The following PPP1R13B variants were observed in gnomAD, a reference collection of about 807,000 sequenced individuals.
The protein encoded by PPP1R13B is apoptosis-stimulating of p53 protein 1.
PPP1R13B carries 44 observed loss-of-function variants against 119.8 expected under a neutral mutation model. That is an observed-to-expected ratio of 0.37 (90% CI 0.29 to 0.47). PPP1R13B has a LOEUF of 0.47. Ranked by LOEUF, PPP1R13B falls within the 20% of genes least tolerant of loss-of-function variation. The pLI, the probability that PPP1R13B is intolerant of heterozygous loss-of-function variation, is 0.99. For missense variants in PPP1R13B, 1,227 were observed against 1,413.5 expected (o/e 0.87, Z 2.12); for synonymous variants, 542 against 561.5 (o/e 0.97, Z 0.49).
intron 1 of PPP1R13B, among the ~76,000 whole-genome samples, chr14:103,831,936 A>T (rs2086672861): frequency 6.7e-6 from 1 of 149,608 alleles, no homozygotes; most frequent in Non-Finnish European, 1.5e-5. Flanking sequence ...AATCCATCAC[A>T]AAAAAAAACA....
intron 1 of PPP1R13B, among the ~76,000 whole-genome samples, chr14:103,827,622 T>C (rs1210268805): frequency 5.4e-5 from 8 of 148,846 alleles, no homozygotes; most frequent in Non-Finnish European, 1.0e-4. Flanking sequence ...TATATAATAC[T>C]ATAGATATAT....
At chr14:103,838,210 GCA>G (rs10640450) in intron 1 of PPP1R13B, among the ~76,000 whole-genome samples, 35,531 of 149,020 alleles carry the variant, frequency 0.24, 4,184 homozygotes, top group East Asian at 0.33. Context: ...CTCTGTTATG[GCA>G]CACACACACA....
At chr14:103,800,847 T>G (rs1752021315) in intron 1 of PPP1R13B, among the ~76,000 whole-genome samples, 1 of 151,862 alleles carries the variant, frequency 6.6e-6, no homozygotes. Context: ...ACCATTTCAT[T>G]TTTTTTCTTC....
intron 1 of PPP1R13B, among the ~76,000 whole-genome samples, chr14:103,829,907 T>G (rs1016607533): frequency 1.3e-5 from 2 of 151,982 alleles, no homozygotes; most frequent in Admixed American, 1.3e-4. Flanking sequence ...GCCTCCCAAG[T>G]AGCTGGGACT....
At chr14:103,846,553 G>A (rs1050796519) in intron 1 of PPP1R13B, among the ~76,000 whole-genome samples, 1 of 152,154 alleles carries the variant, frequency 6.6e-6, no homozygotes, top group African/African-American at 2.4e-5. Context: ...AAGTCATGAT[G>A]CTTACCTCCC....
At chr14:103,744,288 T>C (rs1267790092) in intron 9 of PPP1R13B, among the ~76,000 whole-genome samples, 13 of 152,240 alleles carry the variant, frequency 8.5e-5, no homozygotes, top group African/African-American at 1.2e-4. Context: ...TTTAGTATGA[T>C]TGTAAAACTA....
Position 103,839,582 on chromosome 14 carries a change from A to G in PPP1R13B, c.9+7717T>C, listed in dbSNP as rs536179494. ...GTGGAGGTTGTGGTGACCCAAGATCATGCCACTGCACTCCAACCTGGGCAA... is the reference window on the plus strand; with the variant it reads ...GTGGAGGTTGTGGTGACCCAAGATCGTGCCACTGCACTCCAACCTGGGCAA... On this transcript the variant is annotated intron_variant, in intron 1 of 16. Transcript: ENST00000202556. 7.7e-4 allele frequency among the ~76,000 whole-genome samples: 116 copies of G among 151,074 alleles called. 1 individual carries two copies. Among genetic ancestry groups the G allele is most frequent in the Non-Finnish European group, 1.3e-3 (89 of 67,796 alleles).
Position 103,734,999 on chromosome 14 carries a change from C to T in PPP1R13B, c.*155G>A. 2.3e-6 allele frequency: 2 copies of T among 865,442 alleles called. No individual in the cohort carries two copies. Among genetic ancestry groups the T allele is most frequent in the Non-Finnish European group, 3.8e-6 (2 of 525,756 alleles). 53.6% of individuals were successfully genotyped at this position (865,442 alleles called of 1,614,324 possible). On this transcript the variant is annotated 3_prime_UTR_variant, in exon 17 of 17. Coordinates refer to ENST00000202556, the MANE Select transcript of PPP1R13B (RefSeq NM_015316.3). ...TGGGCAAACTGGAGAAAGGGCCTCACCTGGAAACTGTAGGATTCACATTGT... is the reference window on the plus strand; with the variant it reads ...TGGGCAAACTGGAGAAAGGGCCTCATCTGGAAACTGTAGGATTCACATTGT...
chr14:103,839,331 TAAAAG>T (rs1352159049), intron 1 of PPP1R13B, among the ~76,000 whole-genome samples: 2 of 151,792 alleles, frequency 1.3e-5, no homozygotes, highest in African/African-American at 4.8e-5. Flanking sequence ...TCATTTCTGA[TAAAAG>T]AAATCTCTCG....
chr14:103,746,662 G>T, intron 8 of PPP1R13B, 109 bp from the exon 9 acceptor site: 2 of 980,090 alleles, frequency 2.0e-6, no homozygotes, highest in Non-Finnish European at 2.9e-6. Flanking sequence ...TCAGTGGTTG[G>T]TTTTTAGGAA....
At chr14:103,773,741 T>C (rs534197877) in intron 4 of PPP1R13B, among the ~76,000 whole-genome samples, 36 of 152,300 alleles carry the variant, frequency 2.4e-4, no homozygotes, top group African/African-American at 8.4e-4. Flanking sequence ...GAATAAAATG[T>C]AGGGACTGAA....
intron 3 of PPP1R13B, among the ~76,000 whole-genome samples, chr14:103,782,044 G>A (rs573767946): frequency 1.3e-5 from 2 of 152,096 alleles, no homozygotes; most frequent in East Asian, 3.9e-4. Flanking sequence ...ATATTCCCAT[G>A]GTTCAAAAAT....
intron 1 of PPP1R13B, among the ~76,000 whole-genome samples, chr14:103,827,011 CAAA>C (rs1284610424): frequency 8.2e-6 from 1 of 121,224 alleles, no homozygotes. Context: ...AACTCCATCT[CAAA>C]AAAAAAAAGG....
chr14:103,817,329 CA>C, intron 1 of PPP1R13B, among the ~76,000 whole-genome samples: 1 of 151,788 alleles, frequency 6.6e-6, no homozygotes, highest in Admixed American at 6.6e-5. Flanking sequence ...TAGCATTGTT[CA>C]ATAACAACTG....
rs769165281 is a variant in PPP1R13B at position 103,735,987 on chromosome 14, T to G, written c.3231+16A>C. 3 of 1,613,696 alleles carry G rather than the reference T, an allele frequency of 1.9e-6. No individual in the cohort carries two copies. Among genetic ancestry groups the G allele is most frequent in the East Asian group, 4.5e-5 (2 of 44,854 alleles). ...CACGGGCAGCTAGTTTCCCAGTAAGTAACCTGAGTGCTCACCCCCAGCAGG... is the reference window on the plus strand; with the variant it reads ...CACGGGCAGCTAGTTTCCCAGTAAGGAACCTGAGTGCTCACCCCCAGCAGG... On this transcript the variant is annotated intron_variant, in intron 16 of 16. Coordinates refer to ENST00000202556, the MANE Select transcript of PPP1R13B (RefSeq NM_015316.3).
intron 1 of PPP1R13B, among the ~76,000 whole-genome samples, chr14:103,822,703 C>T (rs1197439086): frequency 6.6e-6 from 1 of 152,006 alleles, no homozygotes; most frequent in Non-Finnish European, 1.5e-5. Flanking sequence ...ATCCCAGCTA[C>T]TGGGGAGGCT....
intron 1 of PPP1R13B, among the ~76,000 whole-genome samples, chr14:103,802,250 A>G (rs1392090488): frequency 1.3e-5 from 2 of 152,166 alleles, no homozygotes; most frequent in Admixed American, 6.6e-5. Context: ...CGGAGCTTGC[A>G]GTGAGCCAAG....
At chr14:103,803,168 T>C (rs1567136032) in intron 1 of PPP1R13B, among the ~76,000 whole-genome samples, 1 of 152,194 alleles carries the variant, frequency 6.6e-6, no homozygotes, top group Admixed American at 6.5e-5. Context: ...GCTTGTATTT[T>C]AATAACATCT....
At chr14:103,750,726 G>A (rs1347095840) in intron 7 of PPP1R13B, among the ~76,000 whole-genome samples, 1 of 151,980 alleles carries the variant, frequency 6.6e-6, no homozygotes, top group African/African-American at 2.4e-5. Flanking sequence ...AGCTACTCGG[G>A]AGGCTGAGGC....
Sources: allele counts gnomAD v4.1 joint callset (sites outside exome capture counted in the v4.1 genomes callset), GRCh38; gene constraint gnomAD v4.1.1; transcripts MANE v1.5; gene names NCBI Gene and HGNC (gene_info 2026-07-23, HGNC 2026-07-21).